The following PTPRM variants were observed in gnomAD, a reference collection of about 807,000 sequenced individuals.
PTPRM encodes protein tyrosine phosphatase receptor type M.
A neutral mutation model predicts 186.7 loss-of-function variants in PTPRM; 47 were observed. The observed-to-expected ratio is 0.25, with a 90% confidence interval of 0.20 to 0.32. PTPRM has a LOEUF of 0.32. Among genes scored for constraint, PTPRM ranks in the 10% least tolerant of loss-of-function variants. The probability of loss-of-function intolerance (pLI) is 1.00; values close to 1 mark genes in which losing one functional copy is unlikely to be tolerated. For synonymous variants in PTPRM, 668 were observed against 674.9 expected, an observed-to-expected ratio of 0.99 and a Z score of 0.16; for missense variants, 1,494 against 1,865.0, an observed-to-expected ratio of 0.80 and a Z score of 3.66.
At chr18:7,925,064 A>T (rs551566724) in intron 4 of PTPRM, among the ~76,000 whole-genome samples, 1 of 152,344 alleles carries the variant, frequency 6.6e-6, no homozygotes, top group African/African-American at 2.4e-5. Context: ...CTGGCACATA[A>T]GTACCCAATA....
intron 14 of PTPRM, among the ~76,000 whole-genome samples, chr18:8,162,861 T>C (rs754300471): frequency 6.6e-6 from 1 of 152,218 alleles, no homozygotes; most frequent in Non-Finnish European, 1.5e-5. Flanking sequence ...AACTGCTAAG[T>C]GTCCAATCCA....
intron 7 of PTPRM, among the ~76,000 whole-genome samples, chr18:8,057,179 G>A (rs2088036495): frequency 6.6e-6 from 1 of 151,074 alleles, no homozygotes; most frequent in Non-Finnish European, 1.5e-5. Flanking sequence ...TGAATAGGAA[G>A]TAGGAAGGTG....
chr18:8,003,236 A>T (rs1235593863), intron 7 of PTPRM, among the ~76,000 whole-genome samples: 1 of 152,132 alleles, frequency 6.6e-6, no homozygotes, highest in African/African-American at 2.4e-5. Context: ...ATGAGATCTG[A>T]TGATTTTGTA....
intron 14 of PTPRM, among the ~76,000 whole-genome samples, chr18:8,183,314 T>C (rs917457918): frequency 2.0e-5 from 3 of 152,234 alleles, no homozygotes; most frequent in Admixed American, 2.0e-4. Context: ...TTTTATTTTA[T>C]TTCCAAAGAT....
intron 1 of PTPRM, among the ~76,000 whole-genome samples, chr18:7,754,414 A>C (rs1471936813): frequency 6.6e-6 from 1 of 152,228 alleles, no homozygotes; most frequent in African/African-American, 2.4e-5. Context: ...AGAGCAAGAA[A>C]ATAGCTGAAC....
chr18:8,240,482 G>GA (rs2094404205), intron 14 of PTPRM, among the ~76,000 whole-genome samples: 1 of 26,268 alleles, frequency 3.8e-5, no homozygotes, highest in Non-Finnish European at 6.9e-5. Flanking sequence ...AGGGAGGGGA[G>GA]GAGAGAGAGA....
rs2039453522 is a variant in PTPRM at position 7,680,406 on chromosome 18, A to G, written c.74-93743A>G. 2.0e-5 allele frequency among the ~76,000 whole-genome samples: 3 copies of G among 152,254 alleles called. No individual in the cohort carries two copies. The South Asian group carries it at 6.2e-4, about 32-fold the overall frequency. ...TTCAACTTGGCAGGTTTCCATCCCC[A>G]AGGGCCTTAGTGTGTTGTAAACACT... On this transcript the variant is annotated intron_variant, in intron 1 of 32. Transcript: ENST00000580170.
chr18:7,591,888 A>T (rs1442096004), intron 1 of PTPRM, among the ~76,000 whole-genome samples: 1 of 152,158 alleles, frequency 6.6e-6, no homozygotes, highest in East Asian at 1.9e-4. Flanking sequence ...TGCAATTGAG[A>T]AGTGGGGAAG....
intron 14 of PTPRM, among the ~76,000 whole-genome samples, chr18:8,189,679 T>C (rs1183527122): frequency 1.3e-5 from 2 of 152,066 alleles, no homozygotes; most frequent in African/African-American, 4.8e-5. Flanking sequence ...GAGCCTGGGG[T>C]TGGCACTGCC....
intron 5 of PTPRM, among the ~76,000 whole-genome samples, chr18:7,948,018 G>T (rs1051039466): frequency 6.6e-6 from 1 of 151,886 alleles, no homozygotes; most frequent in Non-Finnish European, 1.5e-5. Context: ...ATAGTGCTTG[G>T]GCATTACGCT....
chr18:8,126,000 TA>T (rs1568383122), intron 13 of PTPRM, among the ~76,000 whole-genome samples: 174 of 16,308 alleles, frequency 0.011, 15 homozygotes, highest in Non-Finnish European at 0.021. Flanking sequence ...TATATATATA[TA>T]TATATATATA....
At chr18:8,121,501 G>A (rs1006865217) in intron 13 of PTPRM, among the ~76,000 whole-genome samples, 2 of 152,112 alleles carry the variant, frequency 1.3e-5, no homozygotes, top group African/African-American at 4.8e-5. Context: ...CTGCTGAGCT[G>A]TGCAGGCAAA....
At chr18:8,088,690 C>T in intron 10 of PTPRM, 59 bp from the exon 11 acceptor site, 1 of 1,378,284 alleles carries the variant, frequency 7.3e-7, no homozygotes, top group Non-Finnish European at 1.0e-6. Flanking sequence ...AAAGTGGAAA[C>T]TAAACTGAGA....
At chr18:7,985,706 G>A (rs974722560) in intron 7 of PTPRM, among the ~76,000 whole-genome samples, 2 of 151,236 alleles carry the variant, frequency 1.3e-5, no homozygotes, top group African/African-American at 2.4e-5. Flanking sequence ...TTTGATACAG[G>A]CATGCAATGC....
intron 14 of PTPRM, among the ~76,000 whole-genome samples, chr18:8,203,860 TAAATA>T (rs987240710): frequency 6.6e-6 from 1 of 152,172 alleles, no homozygotes; most frequent in African/African-American, 2.4e-5. Flanking sequence ...TTCCTACTAA[TAAATA>T]AAATATTTTT....
intron 13 of PTPRM, among the ~76,000 whole-genome samples, chr18:8,132,237 G>T (rs1464490033): frequency 6.6e-6 from 1 of 152,148 alleles, no homozygotes; most frequent in African/African-American, 2.4e-5. Context: ...AAGTCTTTGT[G>T]ATTGTAGTAC....
At chr18:7,799,390 G>C (rs2043836638) in intron 2 of PTPRM, among the ~76,000 whole-genome samples, 1 of 152,154 alleles carries the variant, frequency 6.6e-6, no homozygotes, top group Non-Finnish European at 1.5e-5. Context: ...GGAGAGACAT[G>C]CACATTCAAG....
intron 11 of PTPRM, among the ~76,000 whole-genome samples, chr18:8,096,850 A>G (rs1055864710): frequency 6.6e-6 from 1 of 152,200 alleles, no homozygotes; most frequent in Non-Finnish European, 1.5e-5. Flanking sequence ...CACATATGTG[A>G]AATGTGAGGA....
At chr18:8,227,856 C>G (rs978512710) in intron 14 of PTPRM, among the ~76,000 whole-genome samples, 1 of 152,206 alleles carries the variant, frequency 6.6e-6, no homozygotes, top group Non-Finnish European at 1.5e-5. Flanking sequence ...TGGGGACCCA[C>G]TATCACTAAT....
Sources: allele counts gnomAD v4.1 joint callset (sites outside exome capture counted in the v4.1 genomes callset), GRCh38; gene constraint gnomAD v4.1.1; transcripts MANE v1.5; gene names NCBI Gene and HGNC (gene_info 2026-07-23, HGNC 2026-07-21).